The following CHD9 variants were observed in gnomAD, a reference collection of about 807,000 sequenced individuals.
The protein encoded by CHD9 is ATP-dependent chromatin remodeler CHD9.
In CHD9, 77 loss-of-function variants were observed where a neutral mutation model predicts 316.1. That is an observed-to-expected ratio of 0.24 (90% CI 0.20 to 0.29). The LOEUF (loss-of-function observed/expected upper bound fraction) is 0.29. Among genes scored for constraint, CHD9 ranks in the 10% least tolerant of loss-of-function variants. The pLI is 1.00. For missense variants in CHD9, 2,763 were observed against 3,438.1 expected (o/e 0.80, Z 4.91); for synonymous variants, 1,129 against 1,158.3 (o/e 0.97, Z 0.51).
intron 2 of CHD9, among the ~76,000 whole-genome samples, chr16:53,168,124 C>T (rs1034464397): frequency 6.6e-6 from 1 of 152,058 alleles, no homozygotes; most frequent in South Asian, 2.1e-4. Flanking sequence ...TGCAGTGGCA[C>T]GATCTCAGCT....
chr16:53,199,386 T>G (rs536342850), intron 2 of CHD9, among the ~76,000 whole-genome samples: 1 of 152,334 alleles, frequency 6.6e-6, no homozygotes, highest in East Asian at 1.9e-4. Context: ...TATATATTCA[T>G]ATAGACAAAC....
At chr16:53,235,332 A>C (rs962743496) in intron 11 of CHD9, 26 bp downstream of exon 11, 4 of 1,480,184 alleles carry the variant, frequency 2.7e-6, no homozygotes, top group Non-Finnish European at 3.6e-6. Flanking sequence ...TAATAAAAAA[A>C]ATTTATTTTT....
intron 1 of CHD9, among the ~76,000 whole-genome samples, chr16:53,137,091 A>C (rs1256058201): frequency 1.3e-5 from 2 of 151,614 alleles, no homozygotes; most frequent in African/African-American, 4.9e-5. Context: ...CTCCTGCCTT[A>C]GCCTCCCAAG....
chr16:53,245,183 A>AAT lies in CHD9; in HGVS notation c.3055-141_3055-140dup, dbSNP rs1379467724. 5.0e-3 allele frequency among the ~76,000 whole-genome samples: 703 copies of AAT among 140,188 alleles called. 3 individuals are homozygous for AAT. Among genetic ancestry groups the AAT allele is most frequent in the African/African-American group, 0.017 (627 of 37,294 alleles). 92.0% of individuals were successfully genotyped at this position (140,188 alleles called of 152,430 possible). A position where few individuals can be genotyped will look rare whatever the true frequency, so the allele number is the denominator to read the frequency against. ...GACCTTGTCTCTAAACAAACAAACA[A>AAT]ATATATATATATACACACACACACA... On this transcript the variant is annotated intron_variant, in intron 13 of 38. Transcript: ENST00000447540. This position sits in a 1 kb window ranked among gnomAD's most constrained non-coding sequence, Gnocchi z 4.1.
chr16:53,266,407 A>G (rs1033893574), intron 20 of CHD9, among the ~76,000 whole-genome samples: 5 of 152,094 alleles, frequency 3.3e-5, no homozygotes, highest in African/African-American at 1.2e-4. Flanking sequence ...GGACATAAGC[A>G]TTTCCTGAAA....
intron 1 of CHD9, among the ~76,000 whole-genome samples, chr16:53,125,029 C>A (rs1432812746): frequency 1.3e-5 from 2 of 152,108 alleles, no homozygotes. Context: ...ATGTGTTGAG[C>A]ATCTTTTCAT....
Position 53,156,333 on chromosome 16 carries a change from G to C in CHD9, c.244G>C (p.Val82Leu). 6.2e-7 allele frequency: 1 copy of C among 1,613,982 alleles called. No individual in the cohort carries two copies. The highest frequency in any genetic ancestry group is 1.1e-5 in the South Asian group (1 of 91,084). The change falls in exon 2 of 39, where the codon GTT becomes CTT. Residue 82 changes from valine (V) to leucine (L), a missense_variant. Around this residue, in one of 15 missense-constraint regions of CHD9, gnomAD observed 859 missense variants for 890.4 expected, o/e 0.96. Coordinates refer to ENST00000447540, the MANE Select transcript of CHD9 (RefSeq NM_001308319.2). The stretch of plus-strand genomic sequence containing the variant: ...ATTTGATTCAATAAAATTTCACCAT[G>C]TTAATCAATCTTTTGGTAGCCCAGC... Reference protein sequence around the residue: ...NQFDSIKFHHVNQSFGSPAEH... With the variant: ...NQFDSIKFHHLNQSFGSPAEH...
intron 19 of CHD9, among the ~76,000 whole-genome samples, chr16:53,262,718 C>T (rs1318383124): frequency 2.0e-5 from 3 of 152,036 alleles, no homozygotes; most frequent in African/African-American, 7.2e-5. Context: ...TGTAGCCTCC[C>T]CACCAAAAAG....
intron 1 of CHD9, among the ~76,000 whole-genome samples, chr16:53,101,316 C>A (rs1351881769): frequency 1.3e-5 from 2 of 148,328 alleles, no homozygotes; most frequent in African/African-American, 2.5e-5. Flanking sequence ...ACTCTTTTAC[C>A]CAAGCTGGAG....
intron 34 of CHD9, 84 bp downstream of exon 34, chr16:53,308,938 A>G: frequency 8.9e-7 from 1 of 1,123,454 alleles, no homozygotes; most frequent in Non-Finnish European, 1.3e-6. Context: ...TGTAATAAAA[A>G]TTTATTTTTC....
intron 2 of CHD9, among the ~76,000 whole-genome samples, chr16:53,161,367 G>A (rs2041900429): frequency 6.6e-6 from 1 of 152,104 alleles, no homozygotes; most frequent in South Asian, 2.1e-4. Flanking sequence ...ATTTTTGCAT[G>A]TTCTGTATAG....
At chr16:53,119,463 A>G (rs1417868074) in intron 1 of CHD9, among the ~76,000 whole-genome samples, 3 of 152,158 alleles carry the variant, frequency 2.0e-5, no homozygotes, top group African/African-American at 7.2e-5. Flanking sequence ...CCCATGATCC[A>G]AGTAGGAGTA....
At chr16:53,180,847 TTG>T (rs1022577223) in intron 2 of CHD9, among the ~76,000 whole-genome samples, 2 of 151,636 alleles carry the variant, frequency 1.3e-5, no homozygotes, top group African/African-American at 4.9e-5. Context: ...GGCTAATTTT[TTG>T]TATTTTTAAT....
intron 37 of CHD9, among the ~76,000 whole-genome samples, chr16:53,318,899 C>T (rs936351325): frequency 1.3e-5 from 2 of 152,176 alleles, no homozygotes; most frequent in African/African-American, 2.4e-5. Flanking sequence ...GTCAGATGAC[C>T]TTAACATGTC....
At chr16:53,264,293 C>A (rs1188532984) in intron 20 of CHD9, among the ~76,000 whole-genome samples, 1 of 151,968 alleles carries the variant, frequency 6.6e-6, no homozygotes, top group Non-Finnish European at 1.5e-5. Context: ...ATCGGCCCTG[C>A]AGCAATAAGC....
intron 4 of CHD9, among the ~76,000 whole-genome samples, chr16:53,223,182 G>A (rs1378637673): frequency 2.0e-5 from 3 of 151,078 alleles, no homozygotes; most frequent in African/African-American, 7.3e-5. Context: ...GTCTGTTTTT[G>A]TGAAGAAAAG....
At chr16:53,213,846 T>C (rs12599467) in intron 3 of CHD9, among the ~76,000 whole-genome samples, 47,238 of 152,052 alleles carry the variant, frequency 0.31, 7,496 homozygotes, top group Middle Eastern at 0.39. Flanking sequence ...TAAAAATGTT[T>C]TCATAGCCCT....
chr16:53,167,795 C>T (rs2042374094), intron 2 of CHD9, among the ~76,000 whole-genome samples: 1 of 150,874 alleles, frequency 6.6e-6, no homozygotes, highest in Admixed American at 6.6e-5. Flanking sequence ...TCTATTCTAC[C>T]TATATTTATT....
chr16:53,229,700 A>G (rs141740947), intron 8 of CHD9, among the ~76,000 whole-genome samples: 9 of 152,204 alleles, frequency 5.9e-5, no homozygotes, highest in Admixed American at 2.0e-4. Flanking sequence ...GATTTCCGAA[A>G]TGTTAACATT....
Sources: allele counts gnomAD v4.1 joint callset (sites outside exome capture counted in the v4.1 genomes callset), GRCh38; gene constraint gnomAD v4.1.1; regional missense constraint gnomAD v4.1.1; non-coding constraint Gnocchi (gnomAD v3.1); transcripts MANE v1.5; gene names NCBI Gene and HGNC (gene_info 2026-07-23, HGNC 2026-07-21).